Variants in FSTL4 observed in about 807,000 individuals in gnomAD.
FSTL4 encodes follistatin-related protein 4.
Under a neutral mutation model 78.2 loss-of-function variants are expected in FSTL4, and 28 were observed. The ratio of observed to expected loss-of-function variants is 0.36; its 90% CI spans 0.27 to 0.49. The LOEUF (loss-of-function observed/expected upper bound fraction) is 0.49, where lower values mean the gene tolerates loss of function less well. FSTL4 is among the 20% of genes least tolerant of loss of function. The pLI is 0.98. For synonymous variants in FSTL4, 422 were observed against 440.5 expected (o/e 0.96, Z 0.53); for missense variants, 922 against 1,084.9 (o/e 0.85, Z 2.11).
the FSTL4 span, among the ~76,000 whole-genome samples, chr5:133,664,888 C>A: frequency 6.6e-6 from 1 of 152,142 alleles, no homozygotes; most frequent in African/African-American, 2.4e-5. Flanking sequence ...GTGGTTCTTT[C>A]TATTGAAGAT....
intron 14 of FSTL4, among the ~76,000 whole-genome samples, chr5:133,203,881 G>A (rs1268916479): frequency 1.3e-5 from 2 of 152,204 alleles, no homozygotes; most frequent in Non-Finnish European, 2.9e-5. Context: ...TTGAACTGAT[G>A]TGGGCATGTC....
At chr5:133,770,248 C>T in the FSTL4 span, among the ~76,000 whole-genome samples, 1 of 152,004 alleles carries the variant, frequency 6.6e-6, no homozygotes, top group Admixed American at 6.6e-5. Context: ...TGGGTAGATA[C>T]TCAGTTGCTG....
chr5:133,461,087 T>G (rs1757583159), intron 3 of FSTL4, among the ~76,000 whole-genome samples: 1 of 152,218 alleles, frequency 6.6e-6, no homozygotes, highest in South Asian at 2.1e-4. Flanking sequence ...CATTTTTGTT[T>G]TCAAAGGTCT....
the FSTL4 span, among the ~76,000 whole-genome samples, chr5:133,830,751 C>CAAT: frequency 6.6e-6 from 1 of 152,192 alleles, no homozygotes; most frequent in African/African-American, 2.4e-5. Context: ...GAGTCCTCGT[C>CAAT]AATTAGGTGA....
chr5:133,462,146 G>A (rs533036351), intron 3 of FSTL4, among the ~76,000 whole-genome samples: 5 of 152,334 alleles, frequency 3.3e-5, no homozygotes, highest in East Asian at 3.9e-4. Flanking sequence ...TCAAGACCAC[G>A]TCCTCACTGA....
chr5:133,473,292 G>A (rs921414939), intron 3 of FSTL4, among the ~76,000 whole-genome samples: 1 of 152,196 alleles, frequency 6.6e-6, no homozygotes, highest in Non-Finnish European at 1.5e-5. Context: ...TCAGCTGCTT[G>A]GCAGTTTGAC....
At chr5:133,589,914 T>C (rs1760588820) in intron 2 of FSTL4, among the ~76,000 whole-genome samples, 1 of 152,192 alleles carries the variant, frequency 6.6e-6, no homozygotes, top group Admixed American at 6.5e-5. Context: ...GAAGCCTCAA[T>C]TTCTACATGT....
chr5:133,639,724 G>A, the FSTL4 span, among the ~76,000 whole-genome samples: 2 of 152,138 alleles, frequency 1.3e-5, no homozygotes, highest in Admixed American at 6.5e-5. Context: ...TCTCTACCAC[G>A]TTACCTCTGC....
chr5:133,339,427 C>A (rs998108805), intron 4 of FSTL4, among the ~76,000 whole-genome samples: 4 of 152,118 alleles, frequency 2.6e-5, no homozygotes, highest in Non-Finnish European at 5.9e-5. Flanking sequence ...ACTATCCTGA[C>A]CACTCCTGGC....
At chr5:133,789,298 C>G in the FSTL4 span, among the ~76,000 whole-genome samples, 1 of 152,202 alleles carries the variant, frequency 6.6e-6, no homozygotes, top group Non-Finnish European at 1.5e-5. Context: ...GAAATCTCTT[C>G]CTTTGAAGAT....
the FSTL4 span, among the ~76,000 whole-genome samples, chr5:133,761,668 T>C: frequency 1.1e-4 from 16 of 152,304 alleles, no homozygotes; most frequent in African/African-American, 3.8e-4. Context: ...GCTCTACCCT[T>C]TCTTTAATGT....
intron 4 of FSTL4, among the ~76,000 whole-genome samples, chr5:133,385,601 C>T (rs1480088771): frequency 6.6e-6 from 1 of 152,208 alleles, no homozygotes; most frequent in East Asian, 1.9e-4. Context: ...CCCACCCTGT[C>T]CACTGGCTCC....
the FSTL4 span, among the ~76,000 whole-genome samples, chr5:133,680,316 G>T: frequency 3.9e-5 from 6 of 152,346 alleles, no homozygotes; most frequent in Non-Finnish European, 8.8e-5. Context: ...TCTATAGCAT[G>T]CGGCTAAGAG....
intron 3 of FSTL4, among the ~76,000 whole-genome samples, chr5:133,412,110 CA>C (rs1426448240): frequency 6.6e-6 from 1 of 152,030 alleles, no homozygotes; most frequent in South Asian, 2.1e-4. Flanking sequence ...CATAAATACA[CA>C]AATTTAATGC....
chr5:133,461,542 TAAACAAAC>T lies in FSTL4; in HGVS notation c.161-60564_161-60557del, dbSNP rs34238549. Among the ~76,000 whole-genome samples, 305 of 151,230 alleles carry T rather than the reference TAAACAAAC, an allele frequency of 2.0e-3. 2 individuals carry two copies. The highest frequency in any genetic ancestry group is 6.9e-3 in the African/African-American group (283 of 41,108). The stretch of plus-strand genomic sequence containing the variant: ...GAATGCAAATTTGATTTTTACTCCC[TAAACAAAC>T]AAACAAACAAACAAACAAACCCTCC... On this transcript the variant is annotated intron_variant, in intron 3 of 15. Transcript: ENST00000265342.
intron 3 of FSTL4, among the ~76,000 whole-genome samples, chr5:133,463,806 T>C (rs1448283558): frequency 6.6e-6 from 1 of 152,176 alleles, no homozygotes; most frequent in Admixed American, 6.5e-5. Context: ...AGTGACTGCA[T>C]GAATGAATCA....
intron 13 of FSTL4, among the ~76,000 whole-genome samples, chr5:133,214,241 A>G (rs11958336): frequency 0.019 from 2,841 of 152,304 alleles, 80 homozygotes; most frequent in African/African-American, 0.06. Context: ...TAAAGTACAC[A>G]TGGAACATTT....
chr5:133,216,148 C>T (rs916798357), intron 13 of FSTL4, among the ~76,000 whole-genome samples: 1 of 152,134 alleles, frequency 6.6e-6, no homozygotes, highest in African/African-American at 2.4e-5. Flanking sequence ...TACCTCAAGC[C>T]TTATATTCAA....
rs915519120 is a variant in FSTL4 at position 133,573,269 on chromosome 5, CA to C, written c.127-6051del. On this transcript the variant is annotated intron_variant, in intron 2 of 15. Transcript: ENST00000265342. ...AAAAAAAAACAAAAACAAAACAAAA[CA>C]AAAAAAATAAATAAAAAATAAAACA... Among the ~76,000 whole-genome samples, 3 of 150,574 alleles carry C rather than the reference CA, an allele frequency of 2.0e-5. No individual in the cohort carries two copies. The East Asian group carries it at 5.9e-4, about 29-fold the overall frequency.
Sources: allele counts gnomAD v4.1 joint callset (sites outside exome capture counted in the v4.1 genomes callset), GRCh38; gene constraint gnomAD v4.1.1; transcripts MANE v1.5; gene names NCBI Gene and HGNC (gene_info 2026-07-23, HGNC 2026-07-21).